B3GALT1: variants seen among roughly 807,000 people sequenced by gnomAD.
B3GALT1 encodes UDP-Gal:betaGlcNAc beta 1,3-galactosyltransferase, polypeptide 1.
Under a neutral mutation model 23.2 loss-of-function variants are expected in B3GALT1, and 10 were observed. The ratio of observed to expected loss-of-function variants is 0.43; its 90% CI spans 0.27 to 0.73. B3GALT1 has a LOEUF of 0.73. Ranked by LOEUF, B3GALT1 falls within the 30% of genes least tolerant of loss-of-function variation. B3GALT1 has a pLI of 0.21. For synonymous variants in B3GALT1, 156 were observed against 141.5 expected, an observed-to-expected ratio of 1.10 and a Z score of -0.73; for missense variants, 299 against 405.4, an observed-to-expected ratio of 0.74 and a Z score of 2.25.
chr2:167,418,079 G>C (rs996472349), intron 1 of B3GALT1, among the ~76,000 whole-genome samples: 3 of 152,182 alleles, frequency 2.0e-5, no homozygotes, highest in Non-Finnish European at 2.9e-5. Flanking sequence ...GATTGCATGT[G>C]ACTTTTTTGT....
At position 167,870,210 on chromosome 2, in the gene B3GALT1, G is replaced by T; in HGVS notation, c.*190G>T. ...GACTCTGGTCATAGAAACAATAAAT[G>T]AGTTAGAAGGGCCAGATTTCATTCT... is the stretch of plus-strand genomic sequence containing the variant. On this transcript the variant is annotated 3_prime_UTR_variant, in exon 5 of 5. Coordinates refer to ENST00000392690, the MANE Select transcript of B3GALT1 (RefSeq NM_020981.4). The T allele has an allele frequency of 3.6e-6, 2 of 556,394 alleles. No homozygotes were observed. Among genetic ancestry groups the T allele is most frequent in the Non-Finnish European group, 6.3e-6 (2 of 319,982 alleles). The allele number at this position is 556,394 out of a possible 1,614,324, so 34.5% of individuals were successfully genotyped here.
At chr2:167,440,509 ATGT>A (rs1698864201) in intron 1 of B3GALT1, among the ~76,000 whole-genome samples, 1 of 152,000 alleles carries the variant, frequency 6.6e-6, no homozygotes, top group Non-Finnish European at 1.5e-5. Flanking sequence ...AGATTGTACT[ATGT>A]TTTTTTGTAA....
intron 2 of B3GALT1, among the ~76,000 whole-genome samples, chr2:167,580,546 G>T (rs1176112829): frequency 6.6e-6 from 1 of 152,110 alleles, no homozygotes; most frequent in Non-Finnish European, 1.5e-5. Context: ...TTCACAATGA[G>T]ACCAAAGCCC....
At chr2:167,677,334 A>G (rs1438061493) in intron 3 of B3GALT1, among the ~76,000 whole-genome samples, 4 of 152,216 alleles carry the variant, frequency 2.6e-5, no homozygotes, top group Non-Finnish European at 5.9e-5. Flanking sequence ...GACTTAAACT[A>G]TTTTTAAGGA....
At chr2:167,607,299 T>C (rs1379528037) in intron 2 of B3GALT1, among the ~76,000 whole-genome samples, 1 of 152,186 alleles carries the variant, frequency 6.6e-6, no homozygotes, top group Non-Finnish European at 1.5e-5. Context: ...TCAGTCATAG[T>C]TCAGTACAAA....
At chr2:167,384,368 A>G (rs1256459386) in intron 1 of B3GALT1, among the ~76,000 whole-genome samples, 3 of 152,138 alleles carry the variant, frequency 2.0e-5, no homozygotes, top group Non-Finnish European at 4.4e-5. Context: ...CCCTGAAAAA[A>G]CTAACAAAAA....
chr2:167,753,093 T>G (rs150081740), intron 3 of B3GALT1, among the ~76,000 whole-genome samples: 1 of 152,318 alleles, frequency 6.6e-6, no homozygotes, highest in Non-Finnish European at 1.5e-5. Context: ...TTCAGAGCAT[T>G]GCACTGGAGA....
chr2:167,564,786 A>C (rs1168527885), intron 2 of B3GALT1, among the ~76,000 whole-genome samples: 1 of 152,230 alleles, frequency 6.6e-6, no homozygotes, highest in Non-Finnish European at 1.5e-5. Flanking sequence ...ATACCTAGGA[A>C]TCCCACTTAC....
intron 1 of B3GALT1, among the ~76,000 whole-genome samples, chr2:167,427,734 A>T (rs552590966): frequency 4.1e-4 from 62 of 152,146 alleles, no homozygotes; most frequent in African/African-American, 1.4e-3. Flanking sequence ...GAGTTTTGCT[A>T]TGTTGCCCAG....
intron 2 of B3GALT1, among the ~76,000 whole-genome samples, chr2:167,636,358 G>A (rs1457399077): frequency 1.3e-5 from 2 of 151,866 alleles, no homozygotes; most frequent in African/African-American, 2.4e-5. Flanking sequence ...TAAGAAGGTA[G>A]GTACTCAGAC....
intron 2 of B3GALT1, among the ~76,000 whole-genome samples, chr2:167,590,400 A>G (rs1684659194): frequency 6.6e-6 from 1 of 151,846 alleles, no homozygotes. Context: ...GCTGGGCTTA[A>G]TACCTAGGTG....
At chr2:167,599,847 G>A (rs1684842435) in intron 2 of B3GALT1, among the ~76,000 whole-genome samples, 1 of 152,064 alleles carries the variant, frequency 6.6e-6, no homozygotes, top group Non-Finnish European at 1.5e-5. Context: ...GATTATTTGT[G>A]TGGGAAAGTT....
chr2:167,600,242 C>A (rs1310541842), intron 2 of B3GALT1, among the ~76,000 whole-genome samples: 1 of 152,150 alleles, frequency 6.6e-6, no homozygotes, highest in Non-Finnish European at 1.5e-5. Flanking sequence ...TCAGTCATCA[C>A]CCCTCTTTTA....
At chr2:167,757,819 G>C (rs1574247593) in intron 3 of B3GALT1, among the ~76,000 whole-genome samples, 2 of 152,174 alleles carry the variant, frequency 1.3e-5, no homozygotes, top group African/African-American at 4.8e-5. Flanking sequence ...CCATAATTCA[G>C]GGTATAATTC....
chr2:167,387,095 C>G (rs1009110181), intron 1 of B3GALT1, among the ~76,000 whole-genome samples: 65 of 152,214 alleles, frequency 4.3e-4, no homozygotes, highest in East Asian at 5.8e-4. Context: ...CATTGCTGGT[C>G]TGATGTACTT....
At chr2:167,760,001 T>G (rs1014900332) in intron 3 of B3GALT1, among the ~76,000 whole-genome samples, 1 of 152,168 alleles carries the variant, frequency 6.6e-6, no homozygotes, top group Non-Finnish European at 1.5e-5. Flanking sequence ...GACTATGGTC[T>G]TGGATTTATT....
Position 167,303,682 on chromosome 2 carries a change from C to CACACACACACACACACACAGAGAG in B3GALT1, c.-511+10349_-511+10350insCACACACACACACACACAGAGAGA, listed in dbSNP as rs535369991. On this transcript the variant is annotated intron_variant, in intron 1 of 4. Coordinates refer to ENST00000392690, the MANE Select transcript of B3GALT1 (RefSeq NM_020981.4). The stretch of plus-strand genomic sequence containing the variant: ...ACACACACACACACACACACACACA[C>CACACACACACACACACACAGAGAG]AGAGAGAGACCTTGTTGCTGCCATT... Among the ~76,000 whole-genome samples, 9 of 148,832 alleles carry CACACACACACACACACACAGAGAG rather than the reference C, an allele frequency of 6.0e-5. 1 individual carries two copies. In the East Asian group the frequency reaches 1.7e-3, roughly 27 times the overall value.
intron 1 of B3GALT1, among the ~76,000 whole-genome samples, chr2:167,467,093 C>T (rs1476136954): frequency 1.3e-5 from 2 of 151,506 alleles, no homozygotes; most frequent in Non-Finnish European, 2.9e-5. Flanking sequence ...CGGATGGATG[C>T]AAATTTGTCT....
chr2:167,823,166 C>T (rs914964300), intron 4 of B3GALT1, among the ~76,000 whole-genome samples: 2 of 152,174 alleles, frequency 1.3e-5, no homozygotes, highest in African/African-American at 4.8e-5. Flanking sequence ...TCCCAAATCA[C>T]CAGGTGAAAA....
Sources: gnomAD v4.1 joint callset for allele counts (sites outside exome capture counted in the v4.1 genomes callset) on GRCh38, gnomAD v4.1.1 for gene constraint, MANE v1.5 for transcripts, NCBI Gene and HGNC (gene_info 2026-07-23, HGNC 2026-07-21) for gene names.